STK33: variants seen among roughly 807,000 people sequenced by gnomAD.
The protein encoded by STK33 is serine/threonine kinase 33.
Under a neutral mutation model 58.0 loss-of-function variants are expected in STK33, and 52 were observed. The observed-to-expected ratio is 0.90, with a 90% CI of 0.72 to 1.13. The LOEUF (loss-of-function observed/expected upper bound fraction) is 1.13. STK33 is among the 50% of genes most tolerant of loss of function. The pLI is 0.00. For missense variants in STK33, 630 were observed against 604.2 expected (o/e 1.04, Z -0.45); for synonymous variants, 215 against 200.1 (o/e 1.07, Z -0.63).
chr11:8,541,012 ATC>A (rs1955476749), intron 1 of STK33, among the ~76,000 whole-genome samples: 1 of 148,896 alleles, frequency 6.7e-6, no homozygotes, highest in Non-Finnish European at 1.5e-5. Flanking sequence ...ATATATATAT[ATC>A]TCATAACATT....
chr11:8,464,562 G>C (rs1053681579), intron 7 of STK33, 147 bp downstream of exon 7: 2 of 473,182 alleles, frequency 4.2e-6, no homozygotes, highest in East Asian at 6.6e-5. Flanking sequence ...CGGGAGGCTA[G>C]AGAAATGCCA....
chr11:8,479,668 C>A (rs1183321033), intron 2 of STK33, among the ~76,000 whole-genome samples: 2 of 151,910 alleles, frequency 1.3e-5, no homozygotes, highest in African/African-American at 4.8e-5. Flanking sequence ...TATGGTGAAA[C>A]CCCGTCTCTA....
chr11:8,526,789 T>C (rs1954065145), intron 1 of STK33, among the ~76,000 whole-genome samples: 1 of 146,418 alleles, frequency 6.8e-6, no homozygotes, highest in African/African-American at 2.5e-5. Flanking sequence ...TAACTAGTTA[T>C]ATGTGACATC....
At chr11:8,548,884 C>T (rs1956122620) in intron 1 of STK33, among the ~76,000 whole-genome samples, 1 of 152,008 alleles carries the variant, frequency 6.6e-6, no homozygotes, top group East Asian at 1.9e-4. Context: ...ATTCTTGTAG[C>T]TATTGTAAAT....
At chr11:8,448,610 T>G (rs950135591) in intron 11 of STK33, among the ~76,000 whole-genome samples, 2 of 152,186 alleles carry the variant, frequency 1.3e-5, no homozygotes, top group East Asian at 3.8e-4. Context: ...ATCCCTTCCT[T>G]ACACCTTATA....
At chr11:8,492,169 G>C (rs1173446378) in intron 1 of STK33, among the ~76,000 whole-genome samples, 1 of 151,968 alleles carries the variant, frequency 6.6e-6, no homozygotes, top group East Asian at 1.9e-4. Context: ...AAAGAGTCAA[G>C]ACCCATCAGT....
intron 14 of STK33, among the ~76,000 whole-genome samples, chr11:8,414,737 G>C (rs1318526085): frequency 6.6e-6 from 1 of 152,152 alleles, no homozygotes; most frequent in African/African-American, 2.4e-5. Flanking sequence ...CTTGTTTTAA[G>C]AAGCTCAGTA....
At position 8,520,078 on chromosome 11, in the gene STK33, G is replaced by A. The variant is rs538438808; in HGVS notation, c.-465-39464C>T. ...TAGACCAATATCCCTCATGAACATC[G>A]ATGCTAAAATCCTCAATAAAATACT... On this transcript the variant is annotated intron_variant, in intron 1 of 15. Coordinates refer to ENST00000687296, the MANE Select transcript of STK33 (RefSeq NM_001352389.2). Among the ~76,000 whole-genome samples the A allele has an allele frequency of 3.3e-3, 497 of 152,196 alleles. 1 individual carries two copies. Among genetic ancestry groups the A allele is most frequent in the African/African-American group, 0.012 (478 of 41,538 alleles).
chr11:8,475,661 C>T (rs1296401950), intron 4 of STK33: 4 of 152,046 alleles, frequency 2.6e-5, no homozygotes, highest in Non-Finnish European at 2.9e-5. Flanking sequence ...TGCTATTTTT[C>T]CCTGAGTCTA....
At chr11:8,445,002 T>C (rs1049129261) in intron 11 of STK33, among the ~76,000 whole-genome samples, 4 of 152,236 alleles carry the variant, frequency 2.6e-5, no homozygotes, top group South Asian at 2.1e-4. Flanking sequence ...TTTCATGATA[T>C]TGATTCTTCC....
chr11:8,415,427 T>A (rs891594243), intron 14 of STK33, among the ~76,000 whole-genome samples: 14 of 152,134 alleles, frequency 9.2e-5, no homozygotes, highest in African/African-American at 2.7e-4. Context: ...ATGGTATGTA[T>A]CACTTCTGGG....
At chr11:8,435,999 T>C (rs752284530) in intron 13 of STK33, 28 bp downstream of exon 13, 2 of 1,316,614 alleles carry the variant, frequency 1.5e-6, no homozygotes, top group Non-Finnish European at 2.1e-6. Context: ...ATATTAGCTT[T>C]AGTAAATAAT....
At position 8,394,193 on chromosome 11, in the gene STK33, C is replaced by T. The variant is rs1278764998; in HGVS notation, c.1345-1483G>A. Among the ~76,000 whole-genome samples, 8 of 152,170 alleles carry T rather than the reference C, an allele frequency of 5.3e-5. No individual in the cohort carries two copies. The East Asian group carries it at 5.8e-4, about 11-fold the overall frequency. The stretch of plus-strand genomic sequence containing the variant: ...TCCCTCACATAGGTTGTATTTTTAT[C>T]GAAAACTCCTTATGTTCAGTGATAA... On this transcript the variant is annotated intron_variant, in intron 15 of 15. Coordinates refer to ENST00000687296, the MANE Select transcript of STK33 (RefSeq NM_001352389.2).
intron 1 of STK33, among the ~76,000 whole-genome samples, chr11:8,572,953 T>G (rs893400418): frequency 2.4e-4 from 37 of 151,174 alleles, no homozygotes; most frequent in Non-Finnish European, 4.4e-5. Flanking sequence ...TTCTTAATAC[T>G]TTTTTTTTCT....
chr11:8,544,976 C>T (rs895782162), intron 1 of STK33, among the ~76,000 whole-genome samples: 2 of 152,146 alleles, frequency 1.3e-5, no homozygotes, highest in African/African-American at 4.8e-5. Context: ...ATGACACGGT[C>T]CTGCTTACAG....
Position 8,392,268 on chromosome 11 carries a change from T to A in STK33, c.*242A>T. The A allele has an allele frequency of 1.9e-6, 1 of 530,952 alleles. No homozygotes were observed. The highest frequency in any genetic ancestry group is 2.8e-5 in the South Asian group (1 of 36,130). The allele number at this position is 530,952 out of a possible 1,614,324, so 32.9% of individuals were successfully genotyped here. Reference sequence around the variant, plus strand: ...AAAAAACCTTCGTGTACATCTTGAGTTGATTTCCACTGCAGCCCACTGCCA... The same window carrying A: ...AAAAAACCTTCGTGTACATCTTGAGATGATTTCCACTGCAGCCCACTGCCA... On this transcript the variant is annotated 3_prime_UTR_variant, in exon 16 of 16. Transcript: ENST00000687296.
chr11:8,383,542 T>C, the STK33 span, among the ~76,000 whole-genome samples: 1 of 152,176 alleles, frequency 6.6e-6, no homozygotes, highest in Admixed American at 6.5e-5. Context: ...TCTGCAAATA[T>C]GGGTTTCAGC....
chr11:8,358,433 G>A, the STK33 span, among the ~76,000 whole-genome samples: 1 of 152,198 alleles, frequency 6.6e-6, no homozygotes, highest in Non-Finnish European at 1.5e-5. Flanking sequence ...CCAGATCTGT[G>A]CCAGCCAAGG....
chr11:8,511,441 T>C (rs1314732060), intron 1 of STK33, among the ~76,000 whole-genome samples: 1 of 152,112 alleles, frequency 6.6e-6, no homozygotes, highest in Non-Finnish European at 1.5e-5. Flanking sequence ...AGTTTGACTT[T>C]CTCTTTTCCA....
Sources: allele counts gnomAD v4.1 joint callset (sites outside exome capture counted in the v4.1 genomes callset), GRCh38; gene constraint gnomAD v4.1.1; transcripts MANE v1.5; gene names NCBI Gene and HGNC (gene_info 2026-07-23, HGNC 2026-07-21).